The following TMEM212 variants were observed in gnomAD, a reference collection of about 807,000 sequenced individuals.
The protein encoded by TMEM212 is transmembrane protein 212.
TMEM212 carries 23 observed loss-of-function variants against 20.5 expected under a neutral mutation model. The observed-to-expected ratio is 1.12, with a 90% confidence interval of 0.81 to 1.59. The LOEUF (loss-of-function observed/expected upper bound fraction) is 1.59. TMEM212 is among the 40% of genes most tolerant of loss of function. The pLI, the probability that TMEM212 is intolerant of heterozygous loss-of-function variation, is 0.00. For missense variants in TMEM212, 211 were observed against 215.0 expected, an observed-to-expected ratio of 0.98 and a Z score of 0.12; for synonymous variants, 76 against 81.6, an observed-to-expected ratio of 0.93 and a Z score of 0.37.
At position 171,843,441 on chromosome 3, in the gene TMEM212, G is replaced by A; in HGVS notation, c.58G>A (p.Val20Ile). ...TCTTGTTACTCTGGGGATCCTCAGT[G>A]TATGCTCTGGAGTTATTGCTTTCTT... ...RILVTLGILSVCSGVIAFFPV... is the reference protein window; with the variant it reads ...RILVTLGILSICSGVIAFFPV... The change falls in exon 1 of 5, where the codon GTA (valine) becomes ATA (isoleucine). Residue 20 changes from valine to isoleucine, a missense_variant. Val to Ile is a conservative substitution (Grantham distance 29, BLOSUM62 3). Coordinates refer to ENST00000334567, the MANE Select transcript of TMEM212 (RefSeq NM_001164436.2). 2.0e-6 allele frequency: 3 copies of A among 1,536,918 alleles called. No homozygotes were observed. Among genetic ancestry groups the A allele is most frequent in the Non-Finnish European group, 2.6e-6 (3 of 1,146,734 alleles).
chr3:171,853,227 G>A (rs545637724), intron 2 of TMEM212, among the ~76,000 whole-genome samples: 5 of 151,902 alleles, frequency 3.3e-5, no homozygotes, highest in African/African-American at 4.8e-5. Flanking sequence ...TAATACCTAC[G>A]TGATAGGTTG....
Position 171,858,046 on chromosome 3 carries a change from T to C in TMEM212, c.*4-15T>C, listed in dbSNP as rs928414863. 7.2e-5 allele frequency: 11 copies of C among 152,082 alleles called. No individual in the cohort carries two copies. The highest frequency in any genetic ancestry group is 2.0e-4 in the Admixed American group (3 of 15,266). 9.4% of individuals were successfully genotyped at this position (152,082 alleles called of 1,614,324 possible). On this transcript the variant is annotated splice_polypyrimidine_tract_variant and intron_variant, in intron 4 of 4. Transcript: ENST00000334567. ...ATCCCATCAAGCTACCAATGACCAATGACTTTCTTCACAGAATTGGAAAAA... is the reference window on the plus strand; with the variant it reads ...ATCCCATCAAGCTACCAATGACCAACGACTTTCTTCACAGAATTGGAAAAA...
chr3:171,847,708 G>A (rs1320040461), intron 1 of TMEM212, among the ~76,000 whole-genome samples: 1 of 152,086 alleles, frequency 6.6e-6, no homozygotes, highest in African/African-American at 2.4e-5. Context: ...AATATCAGGG[G>A]CAAGGGGGAT....
At chr3:171,844,134 C>T (rs1724779749) in intron 1 of TMEM212, among the ~76,000 whole-genome samples, 1 of 152,064 alleles carries the variant, frequency 6.6e-6, no homozygotes, top group Admixed American at 6.6e-5. Context: ...GTACATGTGC[C>T]AAGTACAGCG....
intron 3 of TMEM212, among the ~76,000 whole-genome samples, chr3:171,854,450 A>C (rs544764429): frequency 2.8e-4 from 43 of 152,212 alleles, no homozygotes; most frequent in Non-Finnish European, 2.6e-4. Context: ...CAAGAATGTG[A>C]AAGATCTGTA....
At position 171,858,500 on chromosome 3, in the gene TMEM212, A is replaced by T. The variant is rs1725168857; in HGVS notation, c.*443A>T. The T allele has an allele frequency of 6.6e-6, 1 of 152,180 alleles. No individual in the cohort carries two copies. The highest frequency in any genetic ancestry group is 2.4e-5 in the African/African-American group (1 of 41,400). The allele number at this position is 152,180 out of a possible 1,614,324, so 9.4% of individuals were successfully genotyped here. A position where few individuals can be genotyped will look rare whatever the true frequency, so the allele number is the denominator to read the frequency against. On this transcript the variant is annotated 3_prime_UTR_variant, in exon 5 of 5. Coordinates refer to ENST00000334567, the MANE Select transcript of TMEM212 (RefSeq NM_001164436.2). ...GAAAACCTAGGCAATACCATTCAGG[A>T]CATAGGCATGGGCAAAGACTTCATG...
At chr3:171,847,233 C>T (rs1724853221) in intron 1 of TMEM212, among the ~76,000 whole-genome samples, 1 of 152,176 alleles carries the variant, frequency 6.6e-6, no homozygotes, top group South Asian at 2.1e-4. Context: ...AGATCAAGTT[C>T]TGATGAAAAG....
In TMEM212 at chr3:171,853,594, TG is replaced by T. The variant is rs1453026186; in HGVS notation, c.289del (p.Glu97AsnfsTer37). ...TGTCCACTTCATTTTGCAATAGCCTTGGAATCTGCTCTCCTGGGCCCATATT... is the reference window on the plus strand; with the variant it reads ...TGTCCACTTCATTTTGCAATAGCCTTGAATCTGCTCTCCTGGGCCCATATT... ...MGCPLHFAIA[L>X]ESALLGPYCF... is the part of the protein sequence containing the mutation. On this transcript the variant is annotated frameshift_variant, in exon 3 of 5. Coordinates refer to ENST00000334567, the MANE Select transcript of TMEM212 (RefSeq NM_001164436.2). LOFTEE classifies it high-confidence loss of function. The T allele has an allele frequency of 6.5e-7, 1 of 1,537,256 alleles. No homozygotes were observed. The highest frequency in any genetic ancestry group is 1.4e-5 in the African/African-American group (1 of 73,170).
In TMEM212 at chr3:171,853,851, G is replaced by A. The variant is rs563902906; in HGVS notation, c.543+1G>A. 3.7e-5 allele frequency: 57 copies of A among 1,530,570 alleles called. No homozygotes were observed. Among genetic ancestry groups the A allele is most frequent in the African/African-American group, 1.9e-4 (14 of 72,766 alleles). 94.8% of individuals were successfully genotyped at this position (1,530,570 alleles called of 1,614,324 possible). On this transcript the variant is annotated splice_donor_variant, in intron 3 of 4. Transcript: ENST00000334567. LOFTEE classifies it high-confidence loss of function. ...ACTTATCCAGAATGGACACATAAAC[G>A]TAAGTTTCAACAAAGGGGAGGCAGG...
intron 1 of TMEM212, among the ~76,000 whole-genome samples, chr3:171,849,276 G>A (rs1005578323): frequency 6.6e-6 from 1 of 152,094 alleles, no homozygotes; most frequent in African/African-American, 2.4e-5. Context: ...TGTTTCCCCT[G>A]TAAGTGATAC....
chr3:171,849,981 GCCT>G (rs957316332), intron 1 of TMEM212, among the ~76,000 whole-genome samples: 3 of 151,850 alleles, frequency 2.0e-5, no homozygotes, highest in African/African-American at 4.8e-5. Context: ...TCATAACCTG[GCCT>G]CCTCTTCAGC....
intron 3 of TMEM212, among the ~76,000 whole-genome samples, chr3:171,855,529 A>C (rs569566993): frequency 2.0e-5 from 3 of 152,288 alleles, no homozygotes; most frequent in African/African-American, 4.8e-5. Flanking sequence ...TATGTGCCAG[A>C]CCTGGATATC....
At chr3:171,846,366 C>T (rs898071834) in intron 1 of TMEM212, among the ~76,000 whole-genome samples, 2 of 152,172 alleles carry the variant, frequency 1.3e-5, no homozygotes, top group Non-Finnish European at 2.9e-5. Flanking sequence ...CTATTTTTTC[C>T]TCATAACACT....
chr3:171,849,291 T>C (rs1466348139), intron 1 of TMEM212, among the ~76,000 whole-genome samples: 1 of 152,236 alleles, frequency 6.6e-6, no homozygotes, highest in Non-Finnish European at 1.5e-5. Flanking sequence ...TGATACCTTA[T>C]CTCTGAGCTC....
intron 2 of TMEM212, 27 bp downstream of exon 2, chr3:171,852,068 G>A (rs1321894060): frequency 8.6e-6 from 13 of 1,518,282 alleles, no homozygotes; most frequent in Non-Finnish European, 1.1e-5. Flanking sequence ...CAAGTAGGAT[G>A]GTAGAGAGGC....
Position 171,856,689 on chromosome 3 carries a change from C to A in TMEM212, c.570C>A (p.Asn190Lys), listed in dbSNP as rs1199727481. ...TGCAACTCCCTGCTGGGAACCCAAA[C>A]CCTTTTTCACCATAAAAGGTAAAAT... ...INMQLPAGNP[N>K]PFSP Residue 190 changes from asparagine to lysine, a missense_variant, in exon 4 of 5, where the codon AAC becomes AAA. By Grantham distance (94) the Asn-to-Lys change is moderately conservative (BLOSUM62 0). Transcript: ENST00000334567. The A allele has an allele frequency of 8.7e-6, 6 of 687,650 alleles. No homozygotes were observed. The African/African-American group carries it at 1.1e-4, about 12-fold the overall frequency. 42.6% of individuals were successfully genotyped at this position (687,650 alleles called of 1,614,324 possible).
chr3:171,850,153 G>A (rs141272444), intron 1 of TMEM212, among the ~76,000 whole-genome samples: 8 of 152,150 alleles, frequency 5.3e-5, no homozygotes, highest in African/African-American at 9.6e-5. Flanking sequence ...GGAAGTCTGC[G>A]CATCTTGGGG....
rs1725138283 is a variant in TMEM212, at chr3:171,857,163, C to T, written c.*3+456C>T. Among the ~76,000 whole-genome samples the T allele has an allele frequency of 2.0e-5, 3 of 152,120 alleles. No individual in the cohort carries two copies. The South Asian group carries it at 6.2e-4, about 32-fold the overall frequency. On this transcript the variant is annotated intron_variant, in intron 4 of 4. Transcript: ENST00000334567. ...GTTATAGAATATTAACTGAAGCTAC[C>T]TCTATGCTAATGGAAATAATGGTGC...
intron 4 of TMEM212, among the ~76,000 whole-genome samples, chr3:171,857,777 A>C (rs1725153796): frequency 6.6e-6 from 1 of 152,232 alleles, no homozygotes; most frequent in Non-Finnish European, 1.5e-5. Context: ...CAGGTACATG[A>C]AAAGGTGTTG....
Sources: gnomAD v4.1 joint callset for allele counts (sites outside exome capture counted in the v4.1 genomes callset) on GRCh38, gnomAD v4.1.1 for gene constraint, MANE v1.5 for transcripts, NCBI Gene and HGNC (gene_info 2026-07-23, HGNC 2026-07-21) for gene names.